TLE2: variants seen among roughly 807,000 people sequenced by gnomAD.
TLE2 encodes the protein transducin-like enhancer protein 2.
A neutral mutation model predicts 97.2 loss-of-function variants in TLE2; 74 were observed. The observed-to-expected ratio is 0.76, with a 90% CI of 0.63 to 0.92. TLE2 has a LOEUF of 0.92. TLE2 is among the 40% of genes least tolerant of loss of function. The pLI is 0.00. For synonymous variants in TLE2, 499 were observed against 432.1 expected (o/e 1.15, Z -1.92); for missense variants, 1,038 against 1,008.7 (o/e 1.03, Z -0.39).
intron 8 of TLE2, among the ~76,000 whole-genome samples, chr19:3,016,153 C>T (rs926056172): frequency 6.6e-6 from 1 of 151,928 alleles, no homozygotes; most frequent in African/African-American, 2.4e-5. Context: ...CCAGGCCTAT[C>T]TCGAACTCCT....
Position 3,015,691 on chromosome 19 carries a change from T to A in TLE2, c.640A>T (p.Lys214Ter). 6.2e-7 allele frequency: 1 copy of A among 1,611,282 alleles called. No individual in the cohort carries two copies. The highest frequency in any genetic ancestry group is 8.5e-7 in the Non-Finnish European group (1 of 1,179,268). ...ERPSGPGGGG[K>*]QRADEKEPSG... ...GGCTCCTTCTCATCTGCTCTCTGCT[T>A]CCCGCCACCACCAGGGCCACTCGGT... The change falls in exon 9 of 20, where the codon AAG becomes TAG. Residue 214 changes from lysine to a stop codon, truncating the protein, a stop_gained. Transcript: ENST00000262953. LOFTEE classifies it high-confidence loss of function.
chr19:3,027,345 A>T (rs34088929), intron 4 of TLE2, among the ~76,000 whole-genome samples: 10,052 of 152,306 alleles, frequency 0.066, 483 homozygotes, highest in Middle Eastern at 0.13. Context: ...CCTGGAGAAC[A>T]ATCTTGGAAC....
At chr19:2,999,552 C>T (rs939367761) in intron 19 of TLE2, among the ~76,000 whole-genome samples, 1 of 151,102 alleles carries the variant, frequency 6.6e-6, no homozygotes, top group Non-Finnish European at 1.5e-5. Flanking sequence ...ACGGTGAAAC[C>T]CCGTCTCTAC....
chr19:3,019,135 C>A lies in TLE2; in HGVS notation c.550+148G>T. 8.4e-7 allele frequency: 1 copy of A among 1,196,970 alleles called. No individual in the cohort carries two copies. The allele number at this position is 1,196,970 out of a possible 1,614,324, so 74.1% of individuals were successfully genotyped here. On this transcript the variant is annotated intron_variant, in intron 7 of 19. Transcript: ENST00000262953. This position sits in a 1 kb window ranked among gnomAD's most constrained non-coding sequence, Gnocchi z 5.1. ...CTGGTCATGAACTCCTGGGCTCAAG[C>A]GATCCTCCCGCCTCGGCCTCCCAAA...
intron 4 of TLE2, chr19:3,025,292 G>A (rs1393907009): frequency 1.2e-5 from 14 of 1,206,514 alleles, no homozygotes; most frequent in Non-Finnish European, 1.5e-5. Context: ...GAGGCCCAGG[G>A]TGGCCTGGAG....
intron 7 of TLE2, among the ~76,000 whole-genome samples, chr19:3,018,790 G>A (rs956469440): frequency 1.3e-5 from 2 of 151,254 alleles, no homozygotes; most frequent in Non-Finnish European, 2.9e-5. Context: ...AATTTTTTTT[G>A]TATTTTTAGT....
intron 18 of TLE2, 101 bp from the exon 19 acceptor site, chr19:3,000,824 C>CTTTTTTTT: frequency 2.0e-6 from 1 of 505,198 alleles, no homozygotes; most frequent in Non-Finnish European, 3.4e-6. Context: ...TGGCCTCTCC[C>CTTTTTTTT]TTTTTTTTTT....
chr19:3,046,971 C>T (rs1189665573), upstream of TLE2, among the ~76,000 whole-genome samples: 1 of 105,486 alleles, frequency 9.5e-6, no homozygotes, highest in African/African-American at 3.5e-5. Context: ...CCTTCTCCCC[C>T]ACCTTCCTAT....
intron 9 of TLE2, 28 bp from the exon 10 acceptor site, chr19:3,014,642 T>C (rs755730850): frequency 5.1e-6 from 8 of 1,574,734 alleles, no homozygotes; most frequent in African/African-American, 1.4e-5. Context: ...AGAGAGCTCA[T>C]TGTGGTCATG....
intron 19 of TLE2, 118 bp from the exon 20 acceptor site, chr19:2,998,073 C>A: frequency 1.5e-6 from 1 of 670,712 alleles, no homozygotes; most frequent in Non-Finnish European, 2.6e-6. Context: ...TACAGAGTGA[C>A]GTGTTTCTTT....
chr19:3,019,288 G>C lies in TLE2; in HGVS notation c.545C>G (p.Ser182Cys). 1 of 1,574,650 alleles carries C rather than the reference G, an allele frequency of 6.4e-7. No individual in the cohort carries two copies. Among genetic ancestry groups the C allele is most frequent in the Non-Finnish European group, 8.6e-7 (1 of 1,168,728 alleles). ...ACCCCGTGCTGCCCACTCACCTCTG[G>C]ACCCCTCGGCCTCCACGCCCGCACG... ...EDRAGVEAEG[S>C]RVERAPSRSA... The change falls in exon 7 of 20, where the codon TCC becomes TGC. Residue 182 changes from serine to cysteine, a missense_variant. Transcript: ENST00000262953. The surrounding 1 kb of genome is among the most constrained non-coding windows in gnomAD (Gnocchi z 5.1).
chr19:3,001,131 G>T (rs2089348372), intron 18 of TLE2, among the ~76,000 whole-genome samples: 1 of 151,958 alleles, frequency 6.6e-6, no homozygotes, highest in Admixed American at 6.6e-5. Flanking sequence ...AAATCAGCTG[G>T]GCATTGTGGC....
chr19:3,014,529 T>G, intron 10 of TLE2, 41 bp downstream of exon 10: 4 of 1,530,264 alleles, frequency 2.6e-6, no homozygotes, highest in Admixed American at 2.0e-5. Flanking sequence ...CCCCTTGCTC[T>G]GTGCCCAGAG....
rs1196552124 is a variant in TLE2 at position 3,014,597 on chromosome 19, C to G, written c.696G>C (p.Lys232Asn). ...PSGPYESDED[K>N]SDYNLVVDED... is the part of the protein sequence containing the mutation. Reference sequence around the variant, plus strand: ...CGTCCACCACCAGATTGTAATCACTCTTGTCTTCGTCGCTTTCCTGGGGGA... The same window carrying G: ...CGTCCACCACCAGATTGTAATCACTGTTGTCTTCGTCGCTTTCCTGGGGGA... The change falls in exon 10 of 20, where the codon AAG becomes AAC. Residue 232 changes from lysine (K) to asparagine (N), a missense_variant. Lys to Asn is a moderately conservative substitution (Grantham distance 94, BLOSUM62 0). Coordinates refer to ENST00000262953, the MANE Select transcript of TLE2 (RefSeq NM_003260.5). The G allele has an allele frequency of 6.3e-7, 1 of 1,590,610 alleles. No individual in the cohort carries two copies. The highest frequency in any genetic ancestry group is 8.6e-7 in the Non-Finnish European group (1 of 1,168,190).
chr19:3,045,072 G>C (rs2090132115), intron 1 of TLE2, among the ~76,000 whole-genome samples: 1 of 152,110 alleles, frequency 6.6e-6, no homozygotes, highest in Admixed American at 6.5e-5. Context: ...AAATTAGCTG[G>C]ATGTGGTGGT....
At chr19:3,035,035 C>T (rs1441681384) in intron 1 of TLE2, among the ~76,000 whole-genome samples, 1 of 152,222 alleles carries the variant, frequency 6.6e-6, no homozygotes, top group African/African-American at 2.4e-5. Flanking sequence ...AGGCACACTG[C>T]ACCGGGGAGG....
At position 2,998,278 on chromosome 19, in the gene TLE2, A is replaced by ATT. The variant is rs147412730; in HGVS notation, c.2125-325_2125-324dup. On this transcript the variant is annotated intron_variant, in intron 19 of 19. Coordinates refer to ENST00000262953, the MANE Select transcript of TLE2 (RefSeq NM_003260.5). ...GTGTGTGTGTGTGTGTGTGTGTGTA[A>ATT]TTTTTTTTTTTTTTTGTGAGACAGG... Among the ~76,000 whole-genome samples the ATT allele has an allele frequency of 1.2e-3, 132 of 106,658 alleles. 4 individuals carry two copies. The highest frequency in any genetic ancestry group is 7.4e-3 in the East Asian group (30 of 4,074). The allele number at this position is 106,658 out of a possible 152,430, so 70.0% of individuals were successfully genotyped here. A position where few individuals can be genotyped will look rare whatever the true frequency, so the allele number is the denominator to read the frequency against.
intron 1 of TLE2, among the ~76,000 whole-genome samples, chr19:3,044,582 G>T (rs1262249346): frequency 6.6e-6 from 1 of 152,184 alleles, no homozygotes; most frequent in Non-Finnish European, 1.5e-5. Flanking sequence ...ACCACGCCCG[G>T]CTAATTTTTG....
chr19:3,029,160 C>CTGCACTGAGTTGAGATCACATCACT lies in TLE2; in HGVS notation c.-257_-256insAGTGATGTGATCTCAACTCAGTGCA. The CTGCACTGAGTTGAGATCACATCACT allele has an allele frequency of 1.1e-6, 1 of 887,126 alleles. No individual in the cohort carries two copies. The highest frequency in any genetic ancestry group is 1.3e-6 in the Non-Finnish European group (1 of 741,176). 55.0% of individuals were successfully genotyped at this position (887,126 alleles called of 1,614,324 possible). A position where few individuals can be genotyped will look rare whatever the true frequency, so the allele number is the denominator to read the frequency against. On this transcript the variant is annotated 5_prime_UTR_variant, in exon 1 of 20. The change creates a new upstream start codon in the 5' untranslated region. Coordinates refer to ENST00000262953, the MANE Select transcript of TLE2 (RefSeq NM_003260.5). ...GCAGGGGCAGCGGCCGGGGCGGGAG[C>CTGCACTGAGTTGAGATCACATCACT]GCGGCGAGGGCGGCCGCGGCAGCCG...
Sources: gnomAD v4.1 joint callset for allele counts (sites outside exome capture counted in the v4.1 genomes callset) on GRCh38, gnomAD v4.1.1 for gene constraint, Gnocchi (gnomAD v3.1) non-coding constraint, MANE v1.5 for transcripts, NCBI Gene and HGNC (gene_info 2026-07-23, HGNC 2026-07-21) for gene names.